DRC8: variants seen among roughly 807,000 people sequenced by gnomAD.
DRC8 encodes dynein regulatory complex protein 8.
At chr1:245,048,911 T>C in the DRC8 span, among the ~76,000 whole-genome samples, 1 of 151,890 alleles carries the variant, frequency 6.6e-6, no homozygotes, top group African/African-American at 2.4e-5. Context: ...CAAGTGGTCC[T>C]CCCACCCCAG....
the DRC8 span, among the ~76,000 whole-genome samples, chr1:245,121,286 A>G: frequency 1.3e-5 from 2 of 152,362 alleles, no homozygotes; most frequent in African/African-American, 4.8e-5. Context: ...TCCAAGTAAC[A>G]GAAAGCTCAA....
chr1:245,087,548 G>T, the DRC8 span: 1 of 1,217,442 alleles, frequency 8.2e-7, no homozygotes, highest in Non-Finnish European at 1.0e-6. Flanking sequence ...TAGCCTTACA[G>T]AATGATAAAT....
chr1:245,112,589 AACATCAAGTTT>A, the DRC8 span, among the ~76,000 whole-genome samples: 6 of 152,214 alleles, frequency 3.9e-5, no homozygotes, highest in African/African-American at 1.4e-4. Flanking sequence ...GAATATACAT[AACATCAAGTTT>A]ACCATTTTAA....
the DRC8 span, among the ~76,000 whole-genome samples, chr1:244,991,736 A>G: frequency 6.6e-6 from 1 of 152,222 alleles, no homozygotes; most frequent in African/African-American, 2.4e-5. Flanking sequence ...GAATCTCTAG[A>G]AAGTCATGTA....
At chr1:245,121,305 A>T in the DRC8 span, among the ~76,000 whole-genome samples, 7 of 152,372 alleles carry the variant, frequency 4.6e-5, no homozygotes, top group South Asian at 1.2e-3. Context: ...AACCCATAAA[A>T]GGAATTAACT....
At chr1:245,104,452 G>A in the DRC8 span, among the ~76,000 whole-genome samples, 13 of 151,610 alleles carry the variant, frequency 8.6e-5, no homozygotes, top group East Asian at 3.9e-4. Context: ...TCCAGTGAGC[G>A]GAGATTGCGC....
the DRC8 span, among the ~76,000 whole-genome samples, chr1:245,109,778 C>T: frequency 5.3e-5 from 8 of 152,170 alleles, 1 homozygote; most frequent in South Asian, 1.7e-3. Flanking sequence ...GTTGGGAGAC[C>T]CGGCTCTCTG....
At chr1:244,985,076 G>T in the DRC8 span, among the ~76,000 whole-genome samples, 5 of 130,808 alleles carry the variant, frequency 3.8e-5, no homozygotes, top group Non-Finnish European at 6.3e-5. Context: ...TGTCTCCAGG[G>T]TTTTTTTTTT....
chr1:245,019,077 A>C, the DRC8 span, among the ~76,000 whole-genome samples: 1 of 152,186 alleles, frequency 6.6e-6, no homozygotes, highest in African/African-American at 2.4e-5. Flanking sequence ...TTTTGGTAAA[A>C]GGGCCAATTC....
At chr1:245,082,122 A>C in the DRC8 span, 1 of 1,613,072 alleles carries the variant, frequency 6.2e-7, no homozygotes, top group Non-Finnish European at 8.5e-7. Context: ...TCGATTCGAA[A>C]AATTTCTTCC....
the DRC8 span, among the ~76,000 whole-genome samples, chr1:245,004,068 C>T: frequency 6.6e-6 from 1 of 151,948 alleles, no homozygotes; most frequent in African/African-American, 2.4e-5. Flanking sequence ...GTATTTCCTT[C>T]TTGGATTGAT....
At chr1:244,984,754 G>T in the DRC8 span, among the ~76,000 whole-genome samples, 1 of 151,316 alleles carries the variant, frequency 6.6e-6, no homozygotes, top group Non-Finnish European at 1.5e-5. Context: ...AGAATCGCTT[G>T]AACCTGGGAG....
At chr1:245,080,873 CT>C in the DRC8 span, among the ~76,000 whole-genome samples, 4 of 152,276 alleles carry the variant, frequency 2.6e-5, no homozygotes, top group South Asian at 2.1e-4. Flanking sequence ...CGTCGGGCCC[CT>C]GTCTCTCTTT....
the DRC8 span, among the ~76,000 whole-genome samples, chr1:245,076,436 T>C: frequency 3.4e-3 from 519 of 152,364 alleles, 3 homozygotes; most frequent in African/African-American, 0.012. Context: ...GATTTTTCTC[T>C]GTAAGAAAGG....
the DRC8 span, among the ~76,000 whole-genome samples, chr1:245,096,965 G>C: frequency 6.6e-6 from 1 of 152,104 alleles, no homozygotes; most frequent in Non-Finnish European, 1.5e-5. Context: ...CTGCACACAG[G>C]GCTTAGTAAG....
chr1:245,028,929 T>C, the DRC8 span, among the ~76,000 whole-genome samples: 1 of 152,242 alleles, frequency 6.6e-6, no homozygotes, highest in African/African-American at 2.4e-5. Context: ...CTTACTTTCA[T>C]ACTATGGTAT....
chr1:245,034,732 ACATC>A, the DRC8 span, among the ~76,000 whole-genome samples: 1 of 152,054 alleles, frequency 6.6e-6, no homozygotes, highest in Non-Finnish European at 1.5e-5. Flanking sequence ...AATGAACAGA[ACATC>A]CAACTCAAAA....
the DRC8 span, among the ~76,000 whole-genome samples, chr1:245,019,893 A>T: frequency 6.6e-6 from 1 of 152,224 alleles, no homozygotes; most frequent in African/African-American, 2.4e-5. Context: ...TGAACCCAGG[A>T]GGTGGAGATT....
chr1:245,056,587 T>C, the DRC8 span, among the ~76,000 whole-genome samples: 1 of 152,256 alleles, frequency 6.6e-6, no homozygotes, highest in African/African-American at 2.4e-5. Flanking sequence ...TCTATCATTT[T>C]CCATTTTCTG....
Sources: gnomAD v4.1 joint callset for allele counts (sites outside exome capture counted in the v4.1 genomes callset) on GRCh38, gnomAD v4.1.1 for gene constraint, MANE v1.5 for transcripts, NCBI Gene and HGNC (gene_info 2026-07-23, HGNC 2026-07-21) for gene names.